RDH5: variants seen among roughly 807,000 people sequenced by gnomAD.
The protein encoded by RDH5 is 11-cis RDH.
A neutral mutation model predicts 24.0 loss-of-function variants in RDH5; 25 were observed. The ratio of observed to expected loss-of-function variants is 1.04; its 90% CI spans 0.76 to 1.46. RDH5 has a LOEUF of 1.46. Ranked by LOEUF, RDH5 falls within the 40% of genes most tolerant of loss-of-function variation. The pLI is 0.00. For synonymous variants in RDH5, 170 were observed against 175.2 expected (o/e 0.97, Z 0.23); for missense variants, 369 against 410.3 (o/e 0.90, Z 0.87).
At chr12:55,720,925 A>G (rs1333373840) in intron 1 of RDH5, among the ~76,000 whole-genome samples, 1 of 151,304 alleles carries the variant, frequency 6.6e-6, no homozygotes, top group Non-Finnish European at 1.5e-5. Context: ...TGCTCCATAC[A>G]GCAGGTCTGT....
At position 55,721,897 on chromosome 12, in the gene RDH5, G is replaced by A; in HGVS notation, c.519G>A (p.Gly173=). 1 of 1,613,644 alleles carries A rather than the reference G, an allele frequency of 6.2e-7. No individual in the cohort carries two copies. Among genetic ancestry groups the A allele is most frequent in the Non-Finnish European group, 8.5e-7 (1 of 1,179,818 alleles). The change falls in exon 3 of 5, where the codon GGG becomes GGA. Residue 173 remains glycine (G), a synonymous_variant. Transcript: ENST00000257895. The surrounding 1 kb of genome is among the most constrained non-coding windows in gnomAD (Gnocchi z 4.7). ...TGGGTCGCCTGGCAGCCAATGGTGG[G>A]GGCTACTGTGTCTCCAAATTTGGCC... ...SVLGRLAANG[G]GYCVSKFGLE...
rs1877122881 is a variant in RDH5, at chr12:55,724,680, G to T, written c.*135G>T. On this transcript the variant is annotated 3_prime_UTR_variant, in exon 5 of 5. Transcript: ENST00000257895. ...TGTATTGTTTAAAAAATAAAAAGAAGGTGGGCAGAAATGTGCCCAGTGGAA... is the reference window on the plus strand; with the variant it reads ...TGTATTGTTTAAAAAATAAAAAGAATGTGGGCAGAAATGTGCCCAGTGGAA... 1 of 919,488 alleles carries T rather than the reference G, an allele frequency of 1.1e-6. No individual in the cohort carries two copies. Among genetic ancestry groups the T allele is most frequent in the Non-Finnish European group, 1.7e-6 (1 of 586,412 alleles). The allele number at this position is 919,488 out of a possible 1,614,324, so 57.0% of individuals were successfully genotyped here.
intron 1 of RDH5, chr12:55,720,883 CAAAAAAAA>C (rs4016511): frequency 4.0e-5 from 4 of 100,392 alleles, no homozygotes; most frequent in African/African-American, 1.0e-4. Flanking sequence ...GACTCCATCT[CAAAAAAAA>C]AAAAAAAAAA....
chr12:55,724,218 G>A, intron 4 of RDH5, 104 bp from the exon 5 acceptor site: 2 of 1,453,680 alleles, frequency 1.4e-6, no homozygotes, highest in Non-Finnish European at 9.5e-7. Context: ...TCCCCACACT[G>A]AGGAGGGGAC....
At chr12:55,723,590 A>G (rs1479701051) in intron 3 of RDH5, 4 of 400,632 alleles carry the variant, frequency 1.0e-5, no homozygotes, top group Non-Finnish European at 1.9e-5. Flanking sequence ...AAACTGTTAT[A>G]TAAGTACCTG....
rs1231952530 is a variant in RDH5, at chr12:55,721,238, C to T, written c.54C>T (p.Leu18=). The change falls in exon 2 of 5, where the codon CTC becomes CTT. Residue 18 remains leucine (L), a synonymous_variant. Transcript: ENST00000257895. The surrounding 1 kb of genome is among the most constrained non-coding windows in gnomAD (Gnocchi z 4.7). ...GALLWAVLWL[L]RDRQSLPASN... The stretch of plus-strand genomic sequence containing the variant: ...TACTCTGGGCAGTGCTGTGGTTGCT[C>T]AGGGACCGGCAGAGCCTGCCCGCCA... 1.9e-6 allele frequency: 3 copies of T among 1,613,894 alleles called. No individual in the cohort carries two copies. The highest frequency in any genetic ancestry group is 2.5e-6 in the Non-Finnish European group (3 of 1,180,038).
intron 3 of RDH5, chr12:55,722,457 G>A (rs538733238): frequency 4.4e-4 from 68 of 154,244 alleles, no homozygotes; most frequent in Admixed American, 7.6e-4. Flanking sequence ...CTTGCCTCTC[G>A]TCTTTAAACA....
In RDH5 at chr12:55,721,563, C is replaced by T; in HGVS notation, c.310+69C>T. ...ATCCCCACAGTCACCCCAGGAGTCA[C>T]CTGCAAGGGCTGTGGTAAGCTAAAG... On this transcript the variant is annotated intron_variant, in intron 2 of 4. Transcript: ENST00000257895. This position sits in a 1 kb window ranked among gnomAD's most constrained non-coding sequence, Gnocchi z 4.7. 1 of 1,595,250 alleles carries T rather than the reference C, an allele frequency of 6.3e-7. No homozygotes were observed. Among genetic ancestry groups the T allele is most frequent in the Non-Finnish European group, 8.5e-7 (1 of 1,175,230 alleles).
In RDH5 at chr12:55,724,607, C is replaced by CT. The variant is rs1877116989; in HGVS notation, c.*62_*63insT. The CT allele has an allele frequency of 1.4e-6, 2 of 1,438,780 alleles. No homozygotes were observed. The highest frequency in any genetic ancestry group is 2.3e-5 in the South Asian group (2 of 86,968). The allele number at this position is 1,438,780 out of a possible 1,614,324, so 89.1% of individuals were successfully genotyped here. Reference sequence around the variant, plus strand: ...AAGGACTTTGATTTATTTCTGCCCCCACCCTGGTACTGCCTGGTGCCTGCC... The same window carrying CT: ...AAGGACTTTGATTTATTTCTGCCCCCTACCCTGGTACTGCCTGGTGCCTGCC... On this transcript the variant is annotated 3_prime_UTR_variant, in exon 5 of 5. Transcript: ENST00000257895.
In RDH5 at chr12:55,721,926, A is replaced by T. The variant is rs1016655135; in HGVS notation, c.548A>T (p.Glu183Val). 6.2e-7 allele frequency: 1 copy of T among 1,613,184 alleles called. No homozygotes were observed. Among genetic ancestry groups the T allele is most frequent in the East Asian group, 2.2e-5 (1 of 44,846 alleles). ...TACTGTGTCTCCAAATTTGGCCTGG[A>T]GGCCTTCTCTGACAGCCTGAGGTGA... ...GGYCVSKFGL[E>V]AFSDSLRRDV... The change falls in exon 3 of 5, where the codon GAG (glutamate) becomes GTG (valine). Residue 183 changes from glutamate to valine, a missense_variant. By Grantham distance (121) the Glu-to-Val change is moderately radical. Coordinates refer to ENST00000257895, the MANE Select transcript of RDH5 (RefSeq NM_002905.5). The surrounding 1 kb of genome is among the most constrained non-coding windows in gnomAD (Gnocchi z 4.7).
intron 4 of RDH5, 114 bp from the exon 5 acceptor site, chr12:55,724,208 T>A (rs1340540070): frequency 1.4e-6 from 2 of 1,453,828 alleles, no homozygotes; most frequent in East Asian, 4.8e-5. Flanking sequence ...ACCTGCCCAC[T>A]CCCCACACTG....
chr12:55,722,057 GT>G, intron 3 of RDH5, 110 bp downstream of exon 3: 1 of 1,156,914 alleles, frequency 8.6e-7, no homozygotes, highest in Non-Finnish European at 1.2e-6. Flanking sequence ...AGAAGAGACA[GT>G]TTAGGGCTAG....
At chr12:55,722,281 C>A (rs1047510039) in intron 3 of RDH5, 2 of 257,616 alleles carry the variant, frequency 7.8e-6, no homozygotes, top group African/African-American at 2.2e-5. Flanking sequence ...TCCCGAGTAG[C>A]TGGGACTACA....
Position 55,724,289 on chromosome 12 carries a change from G to A in RDH5, c.734-33G>A, listed in dbSNP as rs554685831. On this transcript the variant is annotated intron_variant, in intron 4 of 4. Coordinates refer to ENST00000257895, the MANE Select transcript of RDH5 (RefSeq NM_002905.5). ...CCTAAGATGGGCTGGAGTGAGGAAG[G>A]GAAACTGATTGCAACCACCTATGGG... The A allele has an allele frequency of 7.8e-5, 125 of 1,611,054 alleles. 4 individuals carry two copies. In the South Asian group the frequency reaches 1.3e-3, roughly 17 times the overall value.
rs1565654151 is a variant in RDH5, at chr12:55,721,291, G to A, written c.107G>A (p.Cys36Tyr). The change falls in exon 2 of 5, where the codon TGT (cysteine) becomes TAT (tyrosine). Residue 36 changes from cysteine (C) to tyrosine (Y), a missense_variant. By Grantham distance (194) the Cys-to-Tyr change is radical. Coordinates refer to ENST00000257895, the MANE Select transcript of RDH5 (RefSeq NM_002905.5). This position sits in a 1 kb window ranked among gnomAD's most constrained non-coding sequence, Gnocchi z 4.7. ...ASNAFVFITG[C>Y]DSGFGRLLAL... Reference sequence around the variant, plus strand: ...AATGCCTTTGTCTTCATCACCGGCTGTGACTCAGGCTTTGGGCGCCTTCTG... The same window carrying A: ...AATGCCTTTGTCTTCATCACCGGCTATGACTCAGGCTTTGGGCGCCTTCTG... 3 of 1,614,126 alleles carry A rather than the reference G, an allele frequency of 1.9e-6. No homozygotes were observed. The highest frequency in any genetic ancestry group is 2.2e-5 in the East Asian group (1 of 44,880).
At chr12:55,724,165 C>T in intron 4 of RDH5, 116 bp downstream of exon 4, 2 of 1,464,546 alleles carry the variant, frequency 1.4e-6, no homozygotes, top group Non-Finnish European at 1.9e-6. Flanking sequence ...TGAGGGTGAA[C>T]AGGATGTTAC....
In RDH5 at chr12:55,721,133, A is replaced by C; in HGVS notation, c.-32-20A>C. On this transcript the variant is annotated intron_variant, in intron 1 of 4. Coordinates refer to ENST00000257895, the MANE Select transcript of RDH5 (RefSeq NM_002905.5). This position sits in a 1 kb window ranked among gnomAD's most constrained non-coding sequence, Gnocchi z 4.7. ...CTTGAGGGCCACAGTAAACTGGACAAGTTTTTCTGCCCAGCCTAGGCTGCC... is the reference window on the plus strand; with the variant it reads ...CTTGAGGGCCACAGTAAACTGGACACGTTTTTCTGCCCAGCCTAGGCTGCC... 6.4e-7 allele frequency: 1 copy of C among 1,569,290 alleles called. No individual in the cohort carries two copies. The highest frequency in any genetic ancestry group is 8.8e-7 in the Non-Finnish European group (1 of 1,140,600).
chr12:55,723,881 T>C lies in RDH5; in HGVS notation c.570-5T>C. On this transcript the variant is annotated splice_polypyrimidine_tract_variant and splice_region_variant and intron_variant, in intron 3 of 4. Coordinates refer to ENST00000257895, the MANE Select transcript of RDH5 (RefSeq NM_002905.5). ...CCCAGCAACTTCGCTCTGCCCCGAC[T>C]CTAGGCGGGATGTAGCTCATTTTGG... The C allele has an allele frequency of 6.2e-7, 1 of 1,613,536 alleles. No homozygotes were observed. Among genetic ancestry groups the C allele is most frequent in the Non-Finnish European group, 8.5e-7 (1 of 1,180,018 alleles).
intron 4 of RDH5, 113 bp downstream of exon 4, chr12:55,724,162 G>A: frequency 6.8e-7 from 1 of 1,472,936 alleles, no homozygotes; most frequent in Non-Finnish European, 9.3e-7. Flanking sequence ...GGTTGAGGGT[G>A]AACAGGATGT....
Sources: allele counts gnomAD v4.1 joint callset (sites outside exome capture counted in the v4.1 genomes callset), GRCh38; gene constraint gnomAD v4.1.1; non-coding constraint Gnocchi (gnomAD v3.1); transcripts MANE v1.5; gene names NCBI Gene and HGNC (gene_info 2026-07-23, HGNC 2026-07-21).